SLC24A2: variants seen among roughly 807,000 people sequenced by gnomAD.
The protein encoded by SLC24A2 is sodium/potassium/calcium exchanger 2.
A neutral mutation model predicts 62.0 loss-of-function variants in SLC24A2; 36 were observed. That is an observed-to-expected ratio of 0.58 (90% CI 0.44 to 0.77). SLC24A2 has a LOEUF of 0.77. Ranked by LOEUF, SLC24A2 falls within the 30% of genes least tolerant of loss-of-function variation. SLC24A2 has a pLI of 0.00. For missense variants in SLC24A2, 846 were observed against 817.9 expected, an observed-to-expected ratio of 1.03 and a Z score of -0.42; for synonymous variants, 358 against 294.0, an observed-to-expected ratio of 1.22 and a Z score of -2.23.
chr9:20,105,242 A>C, the SLC24A2 span, among the ~76,000 whole-genome samples: 101 of 152,292 alleles, frequency 6.6e-4, 1 homozygote, highest in South Asian at 0.011. Flanking sequence ...CCCACACAAT[A>C]ATAATGGGAG....
chr9:19,659,669 A>C (rs1819040099), intron 2 of SLC24A2, among the ~76,000 whole-genome samples: 1 of 152,158 alleles, frequency 6.6e-6, no homozygotes, highest in African/African-American at 2.4e-5. Flanking sequence ...AGGGCTGCAG[A>C]CTGTATTTTT....
the SLC24A2 span, among the ~76,000 whole-genome samples, chr9:20,180,764 C>T: frequency 1.3e-5 from 2 of 152,174 alleles, no homozygotes; most frequent in Non-Finnish European, 2.9e-5. Flanking sequence ...TGTAGGTTTG[C>T]TCCTCTTCAG....
the SLC24A2 span, among the ~76,000 whole-genome samples, chr9:20,044,107 T>C: frequency 6.8e-6 from 1 of 146,332 alleles, no homozygotes; most frequent in African/African-American, 2.5e-5. Context: ...GCTTAGATGA[T>C]CACTAGCACT....
chr9:20,177,111 A>AC, the SLC24A2 span, among the ~76,000 whole-genome samples: 1 of 152,036 alleles, frequency 6.6e-6, no homozygotes, highest in African/African-American at 2.4e-5. Context: ...GCTGACATTT[A>AC]TTTTTACTCA....
chr9:20,228,997 G>C, the SLC24A2 span, among the ~76,000 whole-genome samples: 1 of 152,100 alleles, frequency 6.6e-6, no homozygotes, highest in South Asian at 2.1e-4. Context: ...AAGGGACTTA[G>C]TGATGCTGCA....
chr9:20,083,950 T>C, the SLC24A2 span, among the ~76,000 whole-genome samples: 47 of 152,356 alleles, frequency 3.1e-4, no homozygotes, highest in African/African-American at 1.1e-3. Flanking sequence ...AAGTAATTTC[T>C]TTTCCTTTCC....
chr9:19,961,023 G>T, the SLC24A2 span, among the ~76,000 whole-genome samples: 3,325 of 141,650 alleles, frequency 0.023, 59 homozygotes, highest in South Asian at 0.036. Context: ...TAGAGGGGTG[G>T]GTGTGTGTGT....
intron 7 of SLC24A2, among the ~76,000 whole-genome samples, chr9:19,558,983 C>T (rs577738842): frequency 1.3e-5 from 2 of 152,260 alleles, no homozygotes; most frequent in South Asian, 4.2e-4. Context: ...ACCCACTTTT[C>T]ATATGGTTTT....
intron 5 of SLC24A2, among the ~76,000 whole-genome samples, chr9:19,592,934 G>T (rs1836600169): frequency 6.6e-6 from 1 of 152,198 alleles, no homozygotes; most frequent in Non-Finnish European, 1.5e-5. Flanking sequence ...TTTGTCCCTA[G>T]AAACATCTTA....
At chr9:19,598,558 A>G (rs1376225035) in intron 4 of SLC24A2, among the ~76,000 whole-genome samples, 2 of 152,160 alleles carry the variant, frequency 1.3e-5, no homozygotes, top group Admixed American at 1.3e-4. Flanking sequence ...CCTATTCTGG[A>G]CACATTACAA....
chr9:20,131,495 T>C, the SLC24A2 span, among the ~76,000 whole-genome samples: 1 of 152,160 alleles, frequency 6.6e-6, no homozygotes, highest in African/African-American at 2.4e-5. Flanking sequence ...TAAAGGAAGA[T>C]GCCCCACACA....
intron 4 of SLC24A2, among the ~76,000 whole-genome samples, chr9:19,618,227 C>T (rs550874408): frequency 2.6e-5 from 4 of 152,156 alleles, no homozygotes; most frequent in Non-Finnish European, 4.4e-5. Context: ...TTAAAGCAGT[C>T]GGCCTGCAAT....
the SLC24A2 span, among the ~76,000 whole-genome samples, chr9:20,066,807 T>G: frequency 6.6e-6 from 1 of 152,234 alleles, no homozygotes; most frequent in Non-Finnish European, 1.5e-5. Context: ...GCACTGTTTC[T>G]GAGTCCCCAG....
the SLC24A2 span, among the ~76,000 whole-genome samples, chr9:20,121,486 A>G: frequency 2.6e-5 from 4 of 152,170 alleles, no homozygotes. Context: ...AATAGATTAA[A>G]GTTATATTTG....
chr9:20,290,259 T>G, the SLC24A2 span, among the ~76,000 whole-genome samples: 1 of 152,216 alleles, frequency 6.6e-6, no homozygotes, highest in Non-Finnish European at 1.5e-5. Context: ...AATACTAAGA[T>G]GGACCCAATT....
At chr9:19,841,895 G>A in the SLC24A2 span, among the ~76,000 whole-genome samples, 5 of 152,190 alleles carry the variant, frequency 3.3e-5, no homozygotes, top group African/African-American at 1.2e-4. Flanking sequence ...TGAATAAAGT[G>A]TCTATGGTGG....
At chr9:20,185,675 A>AG in the SLC24A2 span, among the ~76,000 whole-genome samples, 1 of 151,642 alleles carries the variant, frequency 6.6e-6, no homozygotes, top group African/African-American at 2.4e-5. Flanking sequence ...AAAAAAAAAA[A>AG]AAAAAGAAAA....
the SLC24A2 span, among the ~76,000 whole-genome samples, chr9:19,961,245 A>C: frequency 0.45 from 68,516 of 151,696 alleles, 16,191 homozygotes; most frequent in Non-Finnish European, 0.53. Flanking sequence ...AAAAAAAAAG[A>C]AATCAGAATT....
the SLC24A2 span, among the ~76,000 whole-genome samples, chr9:20,113,762 A>C: frequency 6.6e-6 from 1 of 152,212 alleles, no homozygotes; most frequent in Non-Finnish European, 1.5e-5. Context: ...TTCATAAACT[A>C]TAATGCTTTG....
Sources: allele counts gnomAD v4.1 joint callset (sites outside exome capture counted in the v4.1 genomes callset), GRCh38; gene constraint gnomAD v4.1.1; transcripts MANE v1.5; gene names NCBI Gene and HGNC (gene_info 2026-07-23, HGNC 2026-07-21).